The following YME1L1 variants were observed in gnomAD, a reference collection of about 807,000 sequenced individuals.
The protein encoded by YME1L1 is ATP-dependent zinc metalloprotease YME1L1.
YME1L1 carries 39 observed loss-of-function variants against 90.4 expected under a neutral mutation model. The observed-to-expected ratio is 0.43, with a 90% CI of 0.33 to 0.56. YME1L1 has a LOEUF of 0.56. Ranked by LOEUF, YME1L1 falls within the 20% of genes least tolerant of loss-of-function variation. The probability of loss-of-function intolerance (pLI) is 0.03; values close to 1 mark genes in which losing one functional copy is unlikely to be tolerated. For missense variants in YME1L1, 617 were observed against 868.4 expected (o/e 0.71, Z 3.64); for synonymous variants, 284 against 287.3 (o/e 0.99, Z 0.12).
rs2135892276 is a variant in YME1L1 at position 27,142,445 on chromosome 10, C to T, written c.372G>A (p.Leu124=). 3 of 1,529,816 alleles carry T rather than the reference C, an allele frequency of 2.0e-6. No individual in the cohort carries two copies. The highest frequency in any genetic ancestry group is 1.8e-4 in the Middle Eastern group (1 of 5,704). 94.8% of individuals were successfully genotyped at this position (1,529,816 alleles called of 1,614,324 possible). ...DIFSTLRSSC[L]YRHHSRALQS... is the part of the protein sequence containing the mutation. ...GAAGAGCTCTTGAATGATGTCGATA[C>T]AAGCAAGAGGAACGTAATGTACTAA... The change falls in exon 4 of 19, where the codon TTG becomes TTA. Residue 124 remains leucine, a synonymous_variant. Transcript: ENST00000376016.
At position 27,128,461 on chromosome 10, in the gene YME1L1, G is replaced by A. The variant is rs148333142; in HGVS notation, c.859-1675C>T. Among the ~76,000 whole-genome samples the A allele has an allele frequency of 7.0e-4, 106 of 152,158 alleles. 2 individuals are homozygous for A. The East Asian group carries it at 0.018, about 26-fold the overall frequency. On this transcript the variant is annotated intron_variant, in intron 8 of 18. Transcript: ENST00000376016. The stretch of plus-strand genomic sequence containing the variant: ...GAAATCCCCACATTCCAGGACAGGC[G>A]TGGTGGCTCATGCCTGTTACCCCCA...
chr10:27,122,736 T>C, intron 11 of YME1L1, 105 bp downstream of exon 11: 1 of 1,442,592 alleles, frequency 6.9e-7, no homozygotes, highest in Non-Finnish European at 9.5e-7. Flanking sequence ...TTCATATCTC[T>C]AGATATGAAA....
At chr10:27,123,441 T>C (rs899056216) in intron 10 of YME1L1, 106 bp downstream of exon 10, 20 of 1,348,022 alleles carry the variant, frequency 1.5e-5, no homozygotes, top group African/African-American at 9.1e-5. Flanking sequence ...CCCCAAAAAA[T>C]AGAAATTAAA....
At position 27,110,602 on chromosome 10, in the gene YME1L1, A is replaced by G. The variant is rs1396410162; in HGVS notation, c.*1375T>C. ...ATAACAGCATGTTCATATTCACAAA[A>G]TCTGAATGAAAAGTAAACACAACTT... is the stretch of plus-strand genomic sequence containing the variant. On this transcript the variant is annotated 3_prime_UTR_variant, in exon 19 of 19. Transcript: ENST00000376016. The G allele has an allele frequency of 1.5e-4, 23 of 152,192 alleles. No homozygotes were observed. Among genetic ancestry groups the G allele is most frequent in the Admixed American group, 1.5e-3 (23 of 15,276 alleles). The allele number at this position is 152,192 out of a possible 1,614,324, so 9.4% of individuals were successfully genotyped here.
intron 14 of YME1L1, among the ~76,000 whole-genome samples, chr10:27,118,510 A>T (rs1341722790): frequency 6.6e-6 from 1 of 151,820 alleles, no homozygotes; most frequent in South Asian, 2.1e-4. Flanking sequence ...TTGAACTCCA[A>T]CGATTCTGGG....
chr10:27,141,571 A>G (rs1299626525), intron 4 of YME1L1, among the ~76,000 whole-genome samples: 2 of 151,544 alleles, frequency 1.3e-5, no homozygotes, highest in Non-Finnish European at 2.9e-5. Flanking sequence ...CAATGCTCAA[A>G]CCAGGAGTCT....
At chr10:27,130,284 TTC>T (rs1199954103) in intron 8 of YME1L1, among the ~76,000 whole-genome samples, 3 of 152,214 alleles carry the variant, frequency 2.0e-5, no homozygotes, top group South Asian at 2.1e-4. Context: ...CTGGCTTCTC[TTC>T]TCTGTCTTGT....
intron 10 of YME1L1, 52 bp from the exon 11 acceptor site, chr10:27,123,025 A>T: frequency 6.3e-7 from 1 of 1,577,214 alleles, no homozygotes; most frequent in African/African-American, 1.4e-5. Flanking sequence ...AACACTTTTG[A>T]ACAAAACGAG....
In YME1L1 at chr10:27,134,917, T is replaced by G; in HGVS notation, c.605A>C (p.Asn202Thr). The G allele has an allele frequency of 2.5e-6, 4 of 1,613,882 alleles. No homozygotes were observed. Among genetic ancestry groups the G allele is most frequent in the Non-Finnish European group, 3.4e-6 (4 of 1,179,978 alleles). The stretch of plus-strand genomic sequence containing the variant: ...TGCATCTTGGTGAGCTTCAGGTATA[T>G]TTTTGGTTTTCATGAGTTTGTCCAA... ...ESLDKLMKTK[N>T]IPEAHQDAFK... Residue 202 changes from asparagine (N) to threonine (T), a missense_variant, in exon 6 of 19, where the codon AAT (asparagine) becomes ACT (threonine). Physicochemically the swap from Asn to Thr is moderately conservative, Grantham distance 65 (BLOSUM62 0). Transcript: ENST00000376016.
chr10:27,151,091 A>AT (rs1351227980), intron 1 of YME1L1, among the ~76,000 whole-genome samples: 4 of 151,780 alleles, frequency 2.6e-5, no homozygotes, highest in African/African-American at 7.3e-5. Context: ...ACACCCAGCT[A>AT]TTTTTTTGTA....
chr10:27,145,570 G>A lies in YME1L1; in HGVS notation c.189C>T (p.Asp63=), dbSNP rs1255131346. ...PSSEPSLNLR[D]LGLSELKIGQ... ...CAATTTTTAGTTCAGATAATCCAAG[G>A]TCCCTTAAGTTAAGTGAAGGCTGTA... Residue 63 remains aspartate, a synonymous_variant, in exon 3 of 19, where the codon GAC becomes GAT. Transcript: ENST00000376016. 2.5e-6 allele frequency: 4 copies of A among 1,612,592 alleles called. No homozygotes were observed. The highest frequency in any genetic ancestry group is 2.2e-5 in the South Asian group (2 of 90,940).
At chr10:27,118,797 C>T (rs919106292) in intron 14 of YME1L1, among the ~76,000 whole-genome samples, 1 of 152,148 alleles carries the variant, frequency 6.6e-6, no homozygotes, top group Non-Finnish European at 1.5e-5. Flanking sequence ...AAATTAAGCA[C>T]AGAATAAAGT....
Position 27,134,980 on chromosome 10 carries a change from C to A in YME1L1, c.542G>T (p.Gly181Val). 3 of 1,611,960 alleles carry A rather than the reference C, an allele frequency of 1.9e-6. No homozygotes were observed. The highest frequency in any genetic ancestry group is 2.5e-6 in the Non-Finnish European group (3 of 1,179,832). ...TQNIAPSFVK[G>V]FLLRDRGSDV... ...TGATCCTCTGTCCCGCAAAAGAAAC[C>A]CCTGAATACACAAACAACACATCAG... Residue 181 changes from glycine (G) to valine (V), a missense_variant and splice_region_variant, in exon 6 of 19, where the codon GGG (glycine) becomes GTG (valine). Around this residue, in one of 4 missense-constraint regions of YME1L1, gnomAD observed 311 missense variants for 335.8 expected, o/e 0.93. Transcript: ENST00000376016.
chr10:27,132,519 G>GA (rs1193131443), intron 7 of YME1L1, among the ~76,000 whole-genome samples: 2 of 151,312 alleles, frequency 1.3e-5, no homozygotes, highest in East Asian at 3.9e-4. Context: ...TAATAAACTT[G>GA]AAAAAATAAA....
At chr10:27,119,838 T>C (rs1188541910) in intron 13 of YME1L1, among the ~76,000 whole-genome samples, 1 of 149,986 alleles carries the variant, frequency 6.7e-6, no homozygotes, top group Non-Finnish European at 1.5e-5. Context: ...AAAAAACACC[T>C]CACATTCCAA....
Position 27,134,198 on chromosome 10 carries a change from GTTA to G in YME1L1, c.692-79_692-77del, listed in dbSNP as rs2057003911. On this transcript the variant is annotated intron_variant, in intron 6 of 18. Coordinates refer to ENST00000376016, the MANE Select transcript of YME1L1 (RefSeq NM_014263.4). ...CAGCTCAATGAAATGCAAATATTAG[GTTA>G]TTGTTAATAATCATATTTCATCACA... 4 of 1,117,536 alleles carry G rather than the reference GTTA, an allele frequency of 3.6e-6. No individual in the cohort carries two copies. The African/African-American group carries it at 6.3e-5, about 18-fold the overall frequency. 69.2% of individuals were successfully genotyped at this position (1,117,536 alleles called of 1,614,324 possible).
chr10:27,135,946 G>C (rs2057022614), intron 5 of YME1L1, among the ~76,000 whole-genome samples: 1 of 152,188 alleles, frequency 6.6e-6, no homozygotes, highest in Non-Finnish European at 1.5e-5. Context: ...GGATCAACAG[G>C]ACTTTAGTGG....
chr10:27,123,358 G>A (rs1400685786), intron 10 of YME1L1, among the ~76,000 whole-genome samples, 189 bp downstream of exon 10: 1 of 151,930 alleles, frequency 6.6e-6, no homozygotes, highest in Non-Finnish European at 1.5e-5. Flanking sequence ...CATATAGTAA[G>A]TTACCCAAAC....
intron 16 of YME1L1, 26 bp downstream of exon 16, chr10:27,116,193 A>T: frequency 6.2e-7 from 1 of 1,614,042 alleles, no homozygotes; most frequent in Non-Finnish European, 8.5e-7. Flanking sequence ...ATATAATTTG[A>T]ACTAAAGCCA....
Sources: allele counts gnomAD v4.1 joint callset (sites outside exome capture counted in the v4.1 genomes callset), GRCh38; gene constraint gnomAD v4.1.1; regional missense constraint gnomAD v4.1.1; transcripts MANE v1.5; gene names NCBI Gene and HGNC (gene_info 2026-07-23, HGNC 2026-07-21).